The following TAFA2 variants were observed in gnomAD, a reference collection of about 807,000 sequenced individuals.
TAFA2 encodes TAFA chemokine like family member 2, also known as chemokine-like protein TAFA-2.
A neutral mutation model predicts 18.8 loss-of-function variants in TAFA2; 7 were observed. The observed-to-expected ratio is 0.37, with a 90% CI of 0.21 to 0.70. The LOEUF is 0.70. Ranked by LOEUF, TAFA2 falls within the 30% of genes least tolerant of loss-of-function variation. The pLI is 0.53. For missense variants in TAFA2, 122 were observed against 158.1 expected (o/e 0.77, Z 1.23); for synonymous variants, 60 against 54.2 (o/e 1.11, Z -0.47).
chr12:61,825,009 C>T (rs1387325092), intron 2 of TAFA2, among the ~76,000 whole-genome samples: 1 of 152,056 alleles, frequency 6.6e-6, no homozygotes, highest in Non-Finnish European at 1.5e-5. Context: ...CAGATAAATT[C>T]CCATGGGAAT....
intron 1 of TAFA2, among the ~76,000 whole-genome samples, chr12:62,088,310 GA>G (rs141981598): frequency 0.057 from 8,229 of 143,576 alleles, 330 homozygotes; most frequent in Non-Finnish European, 0.086. Context: ...AACTTCAGAA[GA>G]AAAAAAAAAA....
intron 1 of TAFA2, among the ~76,000 whole-genome samples, chr12:62,245,924 T>C (rs528184379): frequency 8.6e-5 from 13 of 150,488 alleles, no homozygotes; most frequent in Non-Finnish European, 1.6e-4. Context: ...TTTTCTTATA[T>C]ATATATAAGA....
chr12:62,042,963 C>G (rs150252984), intron 1 of TAFA2, among the ~76,000 whole-genome samples: 1 of 152,004 alleles, frequency 6.6e-6, no homozygotes, highest in Non-Finnish European at 1.5e-5. Flanking sequence ...CTAAAGATCA[C>G]TATAGTTTTA....
At chr12:61,891,369 G>A (rs1175216194) in intron 1 of TAFA2, among the ~76,000 whole-genome samples, 1 of 152,124 alleles carries the variant, frequency 6.6e-6, no homozygotes, top group African/African-American at 2.4e-5. Context: ...AAGAAGGGCT[G>A]CGCGCAGTGG....
chr12:62,243,645 G>A (rs370381344), intron 1 of TAFA2, among the ~76,000 whole-genome samples: 6 of 152,254 alleles, frequency 3.9e-5, no homozygotes, highest in Non-Finnish European at 4.4e-5. Flanking sequence ...TTTAACATTC[G>A]CTGCACATTG....
intron 2 of TAFA2, among the ~76,000 whole-genome samples, chr12:61,826,925 T>A (rs556174987): frequency 2.6e-5 from 4 of 152,054 alleles, no homozygotes; most frequent in South Asian, 2.1e-4. Flanking sequence ...CAGAAAAAAA[T>A]TACACTGACA....
intron 1 of TAFA2, among the ~76,000 whole-genome samples, chr12:61,981,544 TC>T (rs1209261687): frequency 6.6e-6 from 1 of 152,126 alleles, no homozygotes; most frequent in African/African-American, 2.4e-5. Context: ...GGGAGGAAAT[TC>T]TTGCAATCTA....
At chr12:61,870,814 C>T (rs1874567325) in intron 1 of TAFA2, among the ~76,000 whole-genome samples, 1 of 152,112 alleles carries the variant, frequency 6.6e-6, no homozygotes, top group South Asian at 2.1e-4. Context: ...ATAGGATTTG[C>T]CCAAGACCGT....
chr12:62,006,676 G>T (rs1880562753), intron 1 of TAFA2, among the ~76,000 whole-genome samples: 1 of 152,178 alleles, frequency 6.6e-6, no homozygotes, highest in African/African-American at 2.4e-5. Context: ...CGAGGAAACT[G>T]TCAATAGTTT....
At chr12:62,241,550 C>T (rs1209778457) in intron 1 of TAFA2, among the ~76,000 whole-genome samples, 1 of 152,174 alleles carries the variant, frequency 6.6e-6, no homozygotes, top group Admixed American at 6.5e-5. Flanking sequence ...GTAAATAATA[C>T]TTAATTGGCT....
At chr12:62,027,032 A>T (rs543709414) in intron 1 of TAFA2, among the ~76,000 whole-genome samples, 2 of 152,244 alleles carry the variant, frequency 1.3e-5, no homozygotes, top group South Asian at 4.1e-4. Context: ...TGGGTCACAG[A>T]ATGGCATATA....
At chr12:62,013,292 G>T (rs140780788) in intron 1 of TAFA2, among the ~76,000 whole-genome samples, 2,145 of 152,232 alleles carry the variant, frequency 0.014, 76 homozygotes, top group Admixed American at 0.088. Context: ...ATCAATGCCT[G>T]CCAGTACCCA....
intron 1 of TAFA2, among the ~76,000 whole-genome samples, chr12:61,980,164 A>G (rs1001733470): frequency 1.3e-5 from 2 of 152,188 alleles, no homozygotes; most frequent in Non-Finnish European, 2.9e-5. Context: ...CAAATCAATA[A>G]ACATAATCCA....
At chr12:61,772,963 A>G (rs1420633280) in intron 2 of TAFA2, among the ~76,000 whole-genome samples, 1 of 151,930 alleles carries the variant, frequency 6.6e-6, no homozygotes, top group African/African-American at 2.4e-5. Context: ...AGAAAATCCT[A>G]AAGACTCACC....
At chr12:62,171,092 T>G in intron 1 of TAFA2, among the ~76,000 whole-genome samples, 1 of 152,114 alleles carries the variant, frequency 6.6e-6, no homozygotes, top group East Asian at 1.9e-4. Flanking sequence ...ACTTTAAATG[T>G]AACATTTAAG....
At chr12:62,177,615 A>C (rs866799290) in intron 1 of TAFA2, among the ~76,000 whole-genome samples, 3 of 152,070 alleles carry the variant, frequency 2.0e-5, no homozygotes, top group Admixed American at 6.6e-5. Flanking sequence ...ACCATTACTC[A>C]CATTTCCTCT....
intron 2 of TAFA2, among the ~76,000 whole-genome samples, chr12:61,823,091 A>G (rs374476630): frequency 1.3e-5 from 2 of 152,206 alleles, no homozygotes; most frequent in Admixed American, 1.3e-4. Context: ...AAAAAATCTC[A>G]TTTAGAAACT....
chr12:62,189,423 A>C (rs939733641), intron 1 of TAFA2, among the ~76,000 whole-genome samples: 1 of 152,222 alleles, frequency 6.6e-6, no homozygotes, highest in African/African-American at 2.4e-5. Context: ...TTTAAAAATT[A>C]AGATTCTAAA....
chr12:62,216,081 T>G (rs558907397), intron 1 of TAFA2, among the ~76,000 whole-genome samples: 2 of 152,314 alleles, frequency 1.3e-5, no homozygotes. Flanking sequence ...CAAGGACTTT[T>G]GGACACAGAG....
Sources: allele counts gnomAD v4.1 joint callset (sites outside exome capture counted in the v4.1 genomes callset), GRCh38; gene constraint gnomAD v4.1.1; transcripts MANE v1.5; gene names NCBI Gene and HGNC (gene_info 2026-07-23, HGNC 2026-07-21).